Variants in TRIM33 observed in about 807,000 individuals in gnomAD.
The protein encoded by TRIM33 is tripartite motif containing 33.
A neutral mutation model predicts 125.4 loss-of-function variants in TRIM33; 20 were observed. That is an observed-to-expected ratio of 0.16 (90% CI 0.11 to 0.23). The LOEUF (loss-of-function observed/expected upper bound fraction) is 0.23. Ranked by LOEUF, TRIM33 falls within the 10% of genes least tolerant of loss-of-function variation. The pLI, the probability that TRIM33 is intolerant of heterozygous loss-of-function variation, is 1.00. For synonymous variants in TRIM33, 564 were observed against 513.9 expected (o/e 1.10, Z -1.32); for missense variants, 920 against 1,411.4 (o/e 0.65, Z 5.58).
At chr1:114,495,312 T>C (rs1652308720) in intron 1 of TRIM33, among the ~76,000 whole-genome samples, 1 of 152,182 alleles carries the variant, frequency 6.6e-6, no homozygotes, top group Non-Finnish European at 1.5e-5. Flanking sequence ...GCATCTGAGT[T>C]TGTGCTATCA....
intron 19 of TRIM33, 32 bp from the exon 20 acceptor site, chr1:114,397,892 T>C (rs1266577007): frequency 3.1e-6 from 5 of 1,613,406 alleles, no homozygotes; most frequent in Non-Finnish European, 4.2e-6. Context: ...ATTCACCTAT[T>C]GGTAATGCAT....
intron 5 of TRIM33, among the ~76,000 whole-genome samples, chr1:114,432,041 T>G (rs1647983549): frequency 6.6e-6 from 1 of 152,134 alleles, no homozygotes; most frequent in Non-Finnish European, 1.5e-5. Flanking sequence ...AAATGTACAT[T>G]AAAAAATAAT....
intron 1 of TRIM33, among the ~76,000 whole-genome samples, chr1:114,478,249 G>A (rs1356411101): frequency 6.6e-6 from 1 of 152,192 alleles, no homozygotes; most frequent in Non-Finnish European, 1.5e-5. Flanking sequence ...AGTTTTACTA[G>A]AATGGGGCTG....
chr1:114,429,249 G>A (rs1386904461), intron 6 of TRIM33, among the ~76,000 whole-genome samples: 2 of 151,562 alleles, frequency 1.3e-5, no homozygotes, highest in Non-Finnish European at 2.9e-5. Flanking sequence ...GTGCGGAGGC[G>A]CAATCTTGCC....
At chr1:114,425,141 C>G (rs902977649) in intron 9 of TRIM33, among the ~76,000 whole-genome samples, 1 of 152,180 alleles carries the variant, frequency 6.6e-6, no homozygotes, top group African/African-American at 2.4e-5. Flanking sequence ...TAGGCAGAAA[C>G]AGTCTGGTCC....
At chr1:114,500,916 C>T (rs1652672350) in intron 1 of TRIM33, among the ~76,000 whole-genome samples, 1 of 65,046 alleles carries the variant, frequency 1.5e-5, no homozygotes, top group African/African-American at 8.3e-5. Context: ...TGGGGCCGGG[C>T]GCGGTGGCTC....
At chr1:114,494,865 CAG>C (rs1249476650) in intron 1 of TRIM33, among the ~76,000 whole-genome samples, 1 of 152,176 alleles carries the variant, frequency 6.6e-6, no homozygotes, top group Non-Finnish European at 1.5e-5. Context: ...AGGACAAAAA[CAG>C]AAAATTGGCA....
chr1:114,469,354 T>TA (rs1015559423), intron 1 of TRIM33: 1 of 154,206 alleles, frequency 6.5e-6, no homozygotes, highest in Admixed American at 6.5e-5. Context: ...TCAGAATGGA[T>TA]ATACTGTTGT....
At chr1:114,400,093 A>C (rs568311245) in intron 17 of TRIM33, among the ~76,000 whole-genome samples, 1 of 152,340 alleles carries the variant, frequency 6.6e-6, no homozygotes, top group South Asian at 2.1e-4. Flanking sequence ...AAATTTACTA[A>C]CTTTATTAAC....
chr1:114,457,222 A>G (rs1339327528), intron 4 of TRIM33, among the ~76,000 whole-genome samples: 1 of 152,184 alleles, frequency 6.6e-6, no homozygotes, highest in Admixed American at 6.5e-5. Context: ...ATGATCCGCC[A>G]TGATTTTGTC....
At chr1:114,467,143 GGTCTA>G (rs1273085324) in intron 1 of TRIM33, among the ~76,000 whole-genome samples, 1 of 152,040 alleles carries the variant, frequency 6.6e-6, no homozygotes, top group Non-Finnish European at 1.5e-5. Flanking sequence ...TTAAAACGCT[GGTCTA>G]TCAGTAACAA....
Position 114,397,951 on chromosome 1 carries a change from T to A in TRIM33, c.3160A>T (p.Ile1054Phe). The A allele has an allele frequency of 2.5e-6, 4 of 1,613,410 alleles. No individual in the cohort carries two copies. Among genetic ancestry groups the A allele is most frequent in the Non-Finnish European group, 3.4e-6 (4 of 1,179,840 alleles). ...VVQVYADTQE[I>F]NLKADSEVAQ... Reference sequence around the variant, plus strand: ...TCTGAAAAGCTTACCTTCAAATTAATCTCTTGTGTGTCTGCATAAACTTGA... The same window carrying A: ...TCTGAAAAGCTTACCTTCAAATTAAACTCTTGTGTGTCTGCATAAACTTGA... The change falls in exon 19 of 20, where the codon ATT becomes TTT. Residue 1054 changes from isoleucine to phenylalanine, a missense_variant. Physicochemically the swap from Ile to Phe is conservative, Grantham distance 21 (BLOSUM62 0). Transcript: ENST00000358465.
intron 1 of TRIM33, among the ~76,000 whole-genome samples, chr1:114,504,156 T>A (rs1007614934): frequency 1.9e-4 from 29 of 151,724 alleles, no homozygotes; most frequent in African/African-American, 2.4e-4. Flanking sequence ...CCTTTTTTTT[T>A]ATTTTTTTAT....
At chr1:114,481,681 A>G (rs948481938) in intron 1 of TRIM33, among the ~76,000 whole-genome samples, 33 of 150,988 alleles carry the variant, frequency 2.2e-4, no homozygotes, top group African/African-American at 8.0e-4. Flanking sequence ...GTGTGTATAT[A>G]TATATATATG....
At chr1:114,461,668 G>A (rs561505233) in intron 4 of TRIM33, among the ~76,000 whole-genome samples, 16 of 152,250 alleles carry the variant, frequency 1.1e-4, no homozygotes, top group African/African-American at 2.6e-4. Flanking sequence ...TGGCAATGCC[G>A]CTGAAGCTAT....
chr1:114,487,130 G>A (rs1651748351), intron 1 of TRIM33, among the ~76,000 whole-genome samples: 1 of 150,092 alleles, frequency 6.7e-6, no homozygotes, highest in Admixed American at 6.7e-5. Context: ...GACTGAAAAT[G>A]TCCCAAATTT....
chr1:114,410,433 C>G (rs1652513831), intron 11 of TRIM33, 117 bp from the exon 12 acceptor site: 1 of 1,081,622 alleles, frequency 9.2e-7, no homozygotes, highest in Non-Finnish European at 1.3e-6. Flanking sequence ...CAATATCAAG[C>G]TGAGCCTTAT....
chr1:114,457,120 C>T (rs992276560), intron 4 of TRIM33, among the ~76,000 whole-genome samples: 1 of 152,064 alleles, frequency 6.6e-6, no homozygotes, highest in African/African-American at 2.4e-5. Context: ...AATAAAACTC[C>T]CAAAAAGAGG....
At chr1:114,499,339 C>T (rs922976330) in intron 1 of TRIM33, among the ~76,000 whole-genome samples, 4 of 151,954 alleles carry the variant, frequency 2.6e-5, no homozygotes, top group Non-Finnish European at 5.9e-5. Flanking sequence ...CTTCCTAAAA[C>T]TGACTTGAAC....
Sources: gnomAD v4.1 joint callset for allele counts (sites outside exome capture counted in the v4.1 genomes callset) on GRCh38, gnomAD v4.1.1 for gene constraint, MANE v1.5 for transcripts, NCBI Gene and HGNC (gene_info 2026-07-23, HGNC 2026-07-21) for gene names.